CHSY1: variants seen among roughly 807,000 people sequenced by gnomAD.
CHSY1 encodes the protein chondroitin sulfate synthase 1, also known as N-acetylgalactosaminyl-proteoglycan 3-beta-glucuronosyltransferase 1.
Under a neutral mutation model 59.8 loss-of-function variants are expected in CHSY1, and 13 were observed. The ratio of observed to expected loss-of-function variants is 0.22; its 90% CI spans 0.14 to 0.35. The LOEUF is 0.35. Among genes scored for constraint, CHSY1 ranks in the 10% least tolerant of loss-of-function variants. The probability of loss-of-function intolerance (pLI) is 1.00; values close to 1 mark genes in which losing one functional copy is unlikely to be tolerated. For synonymous variants in CHSY1, 459 were observed against 401.2 expected (o/e 1.14, Z -1.72); for missense variants, 947 against 1,030.6 (o/e 0.92, Z 1.11).
intron 1 of CHSY1, among the ~76,000 whole-genome samples, chr15:101,248,906 C>A (rs1337633939): frequency 6.6e-6 from 1 of 151,928 alleles, no homozygotes; most frequent in Non-Finnish European, 1.5e-5. Context: ...CCTGCCTCAG[C>A]CTCCCGAGTA....
At chr15:101,241,053 C>T (rs976270670) in intron 1 of CHSY1, among the ~76,000 whole-genome samples, 21 of 152,304 alleles carry the variant, frequency 1.4e-4, no homozygotes, top group South Asian at 4.1e-4. Context: ...AAAGTATTCA[C>T]CGTGGTTATT....
At chr15:101,179,117 A>C in intron 2 of CHSY1, 137 bp from the exon 3 acceptor site, 1 of 808,318 alleles carries the variant, frequency 1.2e-6, no homozygotes, top group East Asian at 2.6e-5. Context: ...AGGCCCGATC[A>C]ACAGCAGTCC....
intron 2 of CHSY1, among the ~76,000 whole-genome samples, chr15:101,184,337 G>T (rs528855436): frequency 6.6e-6 from 1 of 151,976 alleles, no homozygotes; most frequent in Non-Finnish European, 1.5e-5. Context: ...AGTACCTTCC[G>T]GCTAAACTCT....
At chr15:101,191,303 G>C (rs2038441393) in intron 2 of CHSY1, among the ~76,000 whole-genome samples, 1 of 152,184 alleles carries the variant, frequency 6.6e-6, no homozygotes, top group Non-Finnish European at 1.5e-5. Context: ...CTAAGTAAAA[G>C]AAGCCAAACT....
intron 1 of CHSY1, among the ~76,000 whole-genome samples, chr15:101,240,488 G>C (rs1054654109): frequency 3.3e-5 from 5 of 152,198 alleles, no homozygotes; most frequent in Admixed American, 1.3e-4. Context: ...GGCCTTGCCA[G>C]AAAAAGCTCA....
intron 2 of CHSY1, among the ~76,000 whole-genome samples, chr15:101,180,116 C>T (rs60140504): frequency 0.017 from 2,646 of 152,306 alleles, 39 homozygotes; most frequent in East Asian, 0.097. Flanking sequence ...TATGCTGACT[C>T]TTTCCTGAGC....
In CHSY1 at chr15:101,178,324, T is replaced by C. The variant is rs76457230; in HGVS notation, c.1473A>G (p.Gln491=). Residue 491 remains glutamine, a synonymous_variant, in exon 3 of 3, where the codon CAA becomes CAG. Coordinates refer to ENST00000254190, the MANE Select transcript of CHSY1 (RefSeq NM_014918.5). ...QFVEHEELDA[Q]ELAKRINQES... The stretch of plus-strand genomic sequence containing the variant: ...CCTGATTGATTCTCTTGGCCAACTC[T>C]TGTGCATCCAGCTCCTCATGCTCCA... 0.019 allele frequency: 29,848 copies of C among 1,608,234 alleles called. 550 individuals carry two copies. Among genetic ancestry groups the C allele is most frequent in the East Asian group, 0.094 (4,204 of 44,700 alleles).
At chr15:101,195,044 G>A (rs893515788) in intron 2 of CHSY1, among the ~76,000 whole-genome samples, 1 of 152,008 alleles carries the variant, frequency 6.6e-6, no homozygotes, top group Admixed American at 6.6e-5. Flanking sequence ...TAACCCACGC[G>A]ACTCTTAAAA....
At position 101,176,620 on chromosome 15, in the gene CHSY1, C is replaced by A. The variant is rs1418854552; in HGVS notation, c.*768G>T. On this transcript the variant is annotated 3_prime_UTR_variant, in exon 3 of 3. Coordinates refer to ENST00000254190, the MANE Select transcript of CHSY1 (RefSeq NM_014918.5). ...GCCAGCTGGGCTTGCATGGTGAAAC[C>A]CCGTCTCTACTAAAAATACAAAAAA... 1.1e-5 allele frequency: 4 copies of A among 379,908 alleles called. No homozygotes were observed. In the East Asian group the frequency reaches 1.5e-4, roughly 14 times the overall value. 23.5% of individuals were successfully genotyped at this position (379,908 alleles called of 1,614,324 possible).
rs2038179293 is a variant in CHSY1, at chr15:101,175,739, T to C, written c.*1649A>G. The C allele has an allele frequency of 6.6e-6, 1 of 152,628 alleles. No individual in the cohort carries two copies. The highest frequency in any genetic ancestry group is 1.5e-5 in the Non-Finnish European group (1 of 68,074). The allele number at this position is 152,628 out of a possible 1,614,324, so 9.5% of individuals were successfully genotyped here. A position where few individuals can be genotyped will look rare whatever the true frequency, so the allele number is the denominator to read the frequency against. ...AAAACTTTATGAATCGTGTTTAAGTTTTTTACTCTCCAAATGTAATACAAT... is the reference window on the plus strand; with the variant it reads ...AAAACTTTATGAATCGTGTTTAAGTCTTTTACTCTCCAAATGTAATACAAT... On this transcript the variant is annotated 3_prime_UTR_variant, in exon 3 of 3. Transcript: ENST00000254190.
intron 2 of CHSY1, chr15:101,186,746 G>A (rs898399365): frequency 2.0e-5 from 3 of 152,216 alleles, no homozygotes; most frequent in Admixed American, 6.5e-5. Flanking sequence ...AGGCTGCAGT[G>A]AGCCATGATC....
intron 2 of CHSY1, among the ~76,000 whole-genome samples, chr15:101,193,963 T>G (rs1250535236): frequency 6.6e-6 from 1 of 152,152 alleles, no homozygotes; most frequent in Non-Finnish European, 1.5e-5. Context: ...TCAGCGTGGA[T>G]TTCCACACCT....
chr15:101,198,241 T>TA (rs2038530244), intron 2 of CHSY1, among the ~76,000 whole-genome samples: 2 of 152,106 alleles, frequency 1.3e-5, no homozygotes, highest in Admixed American at 1.3e-4. Flanking sequence ...GCAGCCACGC[T>TA]ACTGACCGGT....
chr15:101,215,486 G>C (rs1596445130), intron 2 of CHSY1, among the ~76,000 whole-genome samples: 1 of 152,188 alleles, frequency 6.6e-6, no homozygotes, highest in South Asian at 2.1e-4. Flanking sequence ...TGTAATCCCA[G>C]CATCTGAGGA....
At chr15:101,218,787 G>C (rs549642544) in intron 2 of CHSY1, among the ~76,000 whole-genome samples, 4 of 152,144 alleles carry the variant, frequency 2.6e-5, no homozygotes, top group Non-Finnish European at 4.4e-5. Flanking sequence ...CCCAACAGCT[G>C]TCACTTGAAT....
chr15:101,238,202 A>G (rs746204059), intron 1 of CHSY1, among the ~76,000 whole-genome samples: 2 of 152,068 alleles, frequency 1.3e-5, no homozygotes, highest in Non-Finnish European at 2.9e-5. Flanking sequence ...ACCATTTCTA[A>G]ATGTAAAGTT....
chr15:101,186,999 C>G (rs920271162), intron 2 of CHSY1, among the ~76,000 whole-genome samples: 1 of 152,190 alleles, frequency 6.6e-6, no homozygotes, highest in African/African-American at 2.4e-5. Flanking sequence ...ATGGCTGAAG[C>G]TGCAGCAATA....
At chr15:101,203,697 C>T (rs538434785) in intron 2 of CHSY1, among the ~76,000 whole-genome samples, 5 of 152,238 alleles carry the variant, frequency 3.3e-5, no homozygotes, top group South Asian at 4.2e-4. Flanking sequence ...GATCATACAC[C>T]GAAATCATGT....
intron 2 of CHSY1, among the ~76,000 whole-genome samples, chr15:101,227,874 C>T (rs531906698): frequency 3.9e-5 from 6 of 152,158 alleles, no homozygotes; most frequent in Admixed American, 2.0e-4. Flanking sequence ...ATACACTGTA[C>T]GGAACTGGTT....
Sources: allele counts gnomAD v4.1 joint callset (sites outside exome capture counted in the v4.1 genomes callset), GRCh38; gene constraint gnomAD v4.1.1; transcripts MANE v1.5; gene names NCBI Gene and HGNC (gene_info 2026-07-23, HGNC 2026-07-21).